Variants in CORIN observed in about 807,000 individuals in gnomAD.
CORIN encodes atrial natriuretic peptide-converting enzyme.
CORIN carries 117 observed loss-of-function variants against 125.3 expected under a neutral mutation model. The observed-to-expected ratio is 0.93, with a 90% confidence interval of 0.80 to 1.09. CORIN has a LOEUF of 1.09. CORIN is among the 50% of genes least tolerant of loss of function. The pLI is 0.00. For missense variants in CORIN, 1,253 were observed against 1,306.7 expected (o/e 0.96, Z 0.63); for synonymous variants, 450 against 466.4 (o/e 0.96, Z 0.45).
chr4:47,749,972 T>A (rs1288374442), intron 4 of CORIN, among the ~76,000 whole-genome samples: 2 of 152,174 alleles, frequency 1.3e-5, no homozygotes, highest in East Asian at 3.9e-4. Context: ...CTAAACAGAT[T>A]TTCATAGCCA....
At chr4:47,749,021 T>C (rs1332220440) in intron 4 of CORIN, among the ~76,000 whole-genome samples, 2 of 152,168 alleles carry the variant, frequency 1.3e-5, no homozygotes, top group Non-Finnish European at 2.9e-5. Flanking sequence ...CCATTTAGGA[T>C]CCCACATTGC....
At chr4:47,611,784 TGA>T (rs1266098342) in intron 19 of CORIN, among the ~76,000 whole-genome samples, 1 of 152,216 alleles carries the variant, frequency 6.6e-6, no homozygotes, top group Non-Finnish European at 1.5e-5. Flanking sequence ...CCTAGTTTAT[TGA>T]GAGTTTTTTA....
chr4:47,596,902 T>C (rs1019573077), intron 21 of CORIN, among the ~76,000 whole-genome samples: 1 of 152,224 alleles, frequency 6.6e-6, no homozygotes, highest in East Asian at 1.9e-4. Context: ...ATTTATTATA[T>C]CTGTTTTGGA....
chr4:47,596,023 A>G, intron 21 of CORIN, 120 bp from the exon 22 acceptor site: 1 of 689,004 alleles, frequency 1.5e-6, no homozygotes, highest in Admixed American at 3.6e-5. Context: ...AGTTTCAACA[A>G]AGCTTTCCTT....
At chr4:47,667,665 TA>T (rs376510744) in intron 10 of CORIN, among the ~76,000 whole-genome samples, 7 of 151,178 alleles carry the variant, frequency 4.6e-5, no homozygotes, top group South Asian at 2.1e-4. Context: ...TTGGCCTGAT[TA>T]AAAAAAAATG....
chr4:47,756,361 T>G (rs151219093), intron 4 of CORIN, among the ~76,000 whole-genome samples: 2 of 152,336 alleles, frequency 1.3e-5, no homozygotes, highest in African/African-American at 4.8e-5. Context: ...GAGCTATGCT[T>G]TGAATCAAAT....
intron 3 of CORIN, among the ~76,000 whole-genome samples, chr4:47,764,867 A>T (rs1414360910): frequency 6.6e-6 from 1 of 152,138 alleles, no homozygotes; most frequent in Non-Finnish European, 1.5e-5. Flanking sequence ...TTTTAATTAC[A>T]TTATTTTATT....
chr4:47,836,033 G>A (rs893863), intron 1 of CORIN, among the ~76,000 whole-genome samples: 124,214 of 152,062 alleles, frequency 0.82, 50,958 homozygotes, highest in East Asian at 0.98. Flanking sequence ...TAGAATCTTG[G>A]GGTTTTGAGG....
intron 8 of CORIN, 73 bp downstream of exon 8, chr4:47,680,068 C>T (rs1725197961): frequency 2.2e-6 from 2 of 929,520 alleles, no homozygotes; most frequent in South Asian, 2.9e-5. Context: ...TAAGTACAGT[C>T]CTCAACCTTG....
intron 4 of CORIN, among the ~76,000 whole-genome samples, chr4:47,748,075 T>C (rs891911633): frequency 6.6e-6 from 1 of 152,206 alleles, no homozygotes; most frequent in Non-Finnish European, 1.5e-5. Flanking sequence ...TTAAGAGGTG[T>C]AACCAACTGA....
At chr4:47,788,992 A>G (rs1730941080) in intron 2 of CORIN, among the ~76,000 whole-genome samples, 1 of 152,178 alleles carries the variant, frequency 6.6e-6, no homozygotes, top group Non-Finnish European at 1.5e-5. Flanking sequence ...CATTTTAACC[A>G]AACAGTGTTT....
intron 2 of CORIN, among the ~76,000 whole-genome samples, chr4:47,790,465 T>C (rs192105266): frequency 1.4e-3 from 208 of 152,182 alleles, no homozygotes; most frequent in Non-Finnish European, 2.1e-3. Flanking sequence ...CCCTTTTTTT[T>C]CCCCTTTTAG....
chr4:47,773,767 T>C (rs561543813), intron 3 of CORIN, among the ~76,000 whole-genome samples: 2 of 152,082 alleles, frequency 1.3e-5, no homozygotes, highest in Admixed American at 1.3e-4. Flanking sequence ...TTTTATATTC[T>C]AATAAATATA....
At chr4:47,715,197 T>C (rs529464387) in intron 5 of CORIN, among the ~76,000 whole-genome samples, 6 of 152,258 alleles carry the variant, frequency 3.9e-5, no homozygotes, top group Non-Finnish European at 8.8e-5. Flanking sequence ...AATAAGTAAA[T>C]ACTGCCATCA....
At chr4:47,804,664 G>T (rs1731688054) in intron 2 of CORIN, among the ~76,000 whole-genome samples, 1 of 128,292 alleles carries the variant, frequency 7.8e-6, no homozygotes, top group Non-Finnish European at 1.6e-5. Flanking sequence ...CAAAACAATT[G>T]AACTCATGGA....
At chr4:47,615,720 G>T (rs1053975081) in intron 19 of CORIN, among the ~76,000 whole-genome samples, 6 of 152,118 alleles carry the variant, frequency 3.9e-5, no homozygotes, top group African/African-American at 1.4e-4. Context: ...CACTCAGAAG[G>T]AAGAAACCCT....
chr4:47,771,478 A>G (rs2109886726), intron 3 of CORIN, among the ~76,000 whole-genome samples: 1 of 152,288 alleles, frequency 6.6e-6, no homozygotes, highest in East Asian at 1.9e-4. Flanking sequence ...GTACATGTGC[A>G]GGTATATTAC....
chr4:47,754,713 C>T (rs1729057093), intron 4 of CORIN, among the ~76,000 whole-genome samples: 1 of 152,036 alleles, frequency 6.6e-6, no homozygotes, highest in African/African-American at 2.4e-5. Flanking sequence ...ATTTATTTAG[C>T]TGAGAAACTG....
At chr4:47,797,781 A>G (rs1229908524) in intron 2 of CORIN, among the ~76,000 whole-genome samples, 2 of 152,118 alleles carry the variant, frequency 1.3e-5, no homozygotes, top group African/African-American at 4.8e-5. Flanking sequence ...TTTCACAAAC[A>G]TTTCATTTGA....
Sources: allele counts gnomAD v4.1 joint callset (sites outside exome capture counted in the v4.1 genomes callset), GRCh38; gene constraint gnomAD v4.1.1; transcripts MANE v1.5; gene names NCBI Gene and HGNC (gene_info 2026-07-23, HGNC 2026-07-21).